Variants in SEH1L observed in about 807,000 individuals in gnomAD.
SEH1L encodes the protein nucleoporin SEH1.
Under a neutral mutation model 49.5 loss-of-function variants are expected in SEH1L, and 18 were observed. The ratio of observed to expected loss-of-function variants is 0.36; its 90% CI spans 0.25 to 0.54. The LOEUF (loss-of-function observed/expected upper bound fraction) is 0.54. Among genes scored for constraint, SEH1L ranks in the 20% least tolerant of loss-of-function variants. The pLI, the probability that SEH1L is intolerant of heterozygous loss-of-function variation, is 0.87. For synonymous variants in SEH1L, 169 were observed against 178.1 expected (o/e 0.95, Z 0.41); for missense variants, 404 against 528.8 (o/e 0.76, Z 2.31).
chr18:12,955,668 A>G (rs2145611078), intron 3 of SEH1L, 59 bp downstream of exon 3: 1 of 1,555,008 alleles, frequency 6.4e-7, no homozygotes, highest in African/African-American at 1.4e-5. Flanking sequence ...AGGAGCATTC[A>G]TCCGAAGGCT....
chr18:12,981,177 A>G (rs552650708), intron 6 of SEH1L, among the ~76,000 whole-genome samples: 40 of 150,918 alleles, frequency 2.7e-4, no homozygotes, highest in African/African-American at 9.5e-4. Context: ...CTCACTTCCT[A>G]GATGGGATGG....
rs573640088 is a variant in SEH1L, at chr18:12,954,764, G to A, written c.163-699G>A. Among the ~76,000 whole-genome samples, 4 of 152,238 alleles carry A rather than the reference G, an allele frequency of 2.6e-5. No homozygotes were observed. The East Asian group carries it at 5.8e-4, about 22-fold the overall frequency. On this transcript the variant is annotated intron_variant, in intron 2 of 8. Coordinates refer to ENST00000399892, the MANE Select transcript of SEH1L (RefSeq NM_001013437.2). ...AAGACAGGCGTGAGCCACTATGCCT[G>A]GTTGAATCAAATGAAAAAAAAGTAT...
At chr18:12,949,619 A>AT (rs2145598886) in intron 1 of SEH1L, among the ~76,000 whole-genome samples, 1 of 151,162 alleles carries the variant, frequency 6.6e-6, no homozygotes, top group South Asian at 2.1e-4. Flanking sequence ...CGCCCGGCTA[A>AT]TTTTTTGTAT....
intron 8 of SEH1L, 34 bp downstream of exon 8, chr18:12,984,224 T>C (rs1260283875): frequency 1.2e-6 from 2 of 1,603,390 alleles, no homozygotes; most frequent in African/African-American, 2.7e-5. Context: ...GGAAATCATC[T>C]TTGTTTTAAA....
intron 6 of SEH1L, among the ~76,000 whole-genome samples, chr18:12,980,186 A>T (rs1473157306): frequency 3.2e-5 from 4 of 123,452 alleles, no homozygotes; most frequent in Admixed American, 8.0e-5. Context: ...CACCTCCCGG[A>T]TGGGGCGGCT....
chr18:12,981,486 G>A (rs1463466311), intron 6 of SEH1L, among the ~76,000 whole-genome samples: 2 of 152,244 alleles, frequency 1.3e-5, no homozygotes, highest in African/African-American at 2.4e-5. Flanking sequence ...CGGATCACTC[G>A]CGGTTAGGAG....
intron 4 of SEH1L, among the ~76,000 whole-genome samples, chr18:12,965,275 C>G (rs961891043): frequency 2.6e-5 from 4 of 152,138 alleles, no homozygotes; most frequent in South Asian, 2.1e-4. Context: ...GCCTCCCAAA[C>G]TGCTGGGATT....
chr18:12,980,826 C>CCA (rs1555693235), intron 6 of SEH1L, among the ~76,000 whole-genome samples: 9 of 104,446 alleles, frequency 8.6e-5, no homozygotes, highest in African/African-American at 3.2e-4. Context: ...GGGGGGCTGA[C>CCA]CCCCCCACTT....
intron 3 of SEH1L, among the ~76,000 whole-genome samples, chr18:12,957,301 G>C (rs532301963): frequency 1.3e-5 from 2 of 151,552 alleles, no homozygotes; most frequent in East Asian, 2.0e-4. Context: ...GGTGGCACAT[G>C]CCTGTAATCC....
intron 3 of SEH1L, among the ~76,000 whole-genome samples, chr18:12,962,589 TCCGGAA>T (rs1269472631): frequency 7.0e-6 from 1 of 143,486 alleles, no homozygotes; most frequent in Non-Finnish European, 1.5e-5. Context: ...CGCCTCAGCC[TCCGGAA>T]TAGCTGGGGC....
At chr18:12,984,247 C>T (rs1483604028) in intron 8 of SEH1L, 57 bp downstream of exon 8, 1 of 1,540,274 alleles carries the variant, frequency 6.5e-7, no homozygotes, top group East Asian at 2.2e-5. Flanking sequence ...ATTCTGGTAG[C>T]CATACTTAAG....
chr18:12,956,190 G>A (rs1169600414), intron 3 of SEH1L, among the ~76,000 whole-genome samples: 4 of 151,652 alleles, frequency 2.6e-5, no homozygotes, highest in Admixed American at 6.6e-5. Flanking sequence ...GACTACAGGC[G>A]CCCGCCACCA....
intron 3 of SEH1L, among the ~76,000 whole-genome samples, chr18:12,957,178 A>T (rs2030918585): frequency 1.3e-5 from 2 of 152,254 alleles, no homozygotes; most frequent in South Asian, 4.1e-4. Flanking sequence ...CTATAATCCC[A>T]GCACTTTAGG....
chr18:12,967,662 C>T (rs112957562), intron 4 of SEH1L, among the ~76,000 whole-genome samples: 116 of 152,274 alleles, frequency 7.6e-4, no homozygotes, highest in African/African-American at 2.7e-3. Flanking sequence ...GCCTGTTATC[C>T]CAGCACTTTG....
intron 6 of SEH1L, among the ~76,000 whole-genome samples, chr18:12,980,269 C>T (rs1169654172): frequency 1.5e-4 from 20 of 137,334 alleles, no homozygotes; most frequent in African/African-American, 4.6e-4. Context: ...CCCTCCCGGT[C>T]GGGGCGGCTG....
chr18:12,981,849 CATTTTTTTTTTTTT>C (rs1211487170), intron 6 of SEH1L, among the ~76,000 whole-genome samples: 2 of 102,504 alleles, frequency 2.0e-5, no homozygotes, highest in Admixed American at 1.0e-4. Context: ...CTGCCCTGCC[CATTTTTTTTTTTTT>C]TTTTTTTTTT....
intron 1 of SEH1L, among the ~76,000 whole-genome samples, chr18:12,950,306 G>T (rs2030440870): frequency 6.6e-6 from 1 of 152,150 alleles, no homozygotes; most frequent in African/African-American, 2.4e-5. Context: ...AGAGTGCTGG[G>T]ATTACAGGTG....
At chr18:12,971,107 G>A in intron 4 of SEH1L, 46 bp from the exon 5 acceptor site, 2 of 1,316,992 alleles carry the variant, frequency 1.5e-6, no homozygotes, top group Non-Finnish European at 2.2e-6. Flanking sequence ...TGAATGAAAT[G>A]TGTATTTCTT....
chr18:12,983,322 A>G (rs1360807477), intron 7 of SEH1L: 1 of 152,230 alleles, frequency 6.6e-6, no homozygotes, highest in East Asian at 1.9e-4. Context: ...TTTAGCAGTT[A>G]TTGTTTCCCA....
Sources: allele counts gnomAD v4.1 joint callset (sites outside exome capture counted in the v4.1 genomes callset), GRCh38; gene constraint gnomAD v4.1.1; transcripts MANE v1.5; gene names NCBI Gene and HGNC (gene_info 2026-07-23, HGNC 2026-07-21).